Variants in BCL2A1 observed in about 807,000 individuals in gnomAD.
BCL2A1 encodes BCL2 related protein A1.
A neutral mutation model predicts 14.4 loss-of-function variants in BCL2A1; 10 were observed. The observed-to-expected ratio is 0.69, with a 90% CI of 0.43 to 1.18. The LOEUF is 1.18. Among genes scored for constraint, BCL2A1 ranks in the 50% most tolerant of loss-of-function variants. BCL2A1 has a pLI of 0.00. For missense variants in BCL2A1, 158 were observed against 205.0 expected (o/e 0.77, Z 1.40); for synonymous variants, 71 against 76.5 (o/e 0.93, Z 0.38).
intron 1 of BCL2A1, among the ~76,000 whole-genome samples, chr15:79,961,645 T>A (rs2562753): frequency 0.63 from 95,846 of 151,892 alleles, 32,624 homozygotes; most frequent in Non-Finnish European, 0.75. Flanking sequence ...GCACTTATAT[T>A]TGTAATATGA....
At chr15:79,961,759 T>C (rs1243348759) in intron 1 of BCL2A1, among the ~76,000 whole-genome samples, 1 of 152,218 alleles carries the variant, frequency 6.6e-6, no homozygotes, top group Non-Finnish European at 1.5e-5. Context: ...TGATAGTTTA[T>C]TTTATAATCT....
chr15:79,966,631 A>G (rs569108378), intron 1 of BCL2A1, among the ~76,000 whole-genome samples: 6 of 152,280 alleles, frequency 3.9e-5, no homozygotes, highest in Admixed American at 2.6e-4. Context: ...GTTTTTAAGA[A>G]CCATCCTTTC....
intron 1 of BCL2A1, among the ~76,000 whole-genome samples, chr15:79,968,061 A>G (rs1444688616): frequency 6.6e-6 from 1 of 152,186 alleles, no homozygotes; most frequent in Non-Finnish European, 1.5e-5. Context: ...ACCACCCTTG[A>G]AAGATGAGGG....
intron 1 of BCL2A1, among the ~76,000 whole-genome samples, chr15:79,962,140 C>A (rs2035495623): frequency 1.3e-5 from 2 of 152,202 alleles, no homozygotes; most frequent in Admixed American, 1.3e-4. Context: ...CTTGGGGTTA[C>A]AAATGCCTGC....
chr15:79,961,294 TG>T (rs1409128085), intron 1 of BCL2A1, 120 bp from the exon 2 acceptor site: 1 of 921,360 alleles, frequency 1.1e-6, no homozygotes, highest in Admixed American at 2.7e-5. Context: ...CTTCTACCCC[TG>T]TTAAGCAGCA....
At chr15:79,969,153 G>A (rs779513655) in intron 1 of BCL2A1, among the ~76,000 whole-genome samples, 4 of 151,976 alleles carry the variant, frequency 2.6e-5, no homozygotes, top group Admixed American at 2.0e-4. Flanking sequence ...ATTGAAACAA[G>A]ATAAACTCTA....
chr15:79,968,220 T>C (rs1469853930), intron 1 of BCL2A1, among the ~76,000 whole-genome samples: 2 of 152,210 alleles, frequency 1.3e-5, no homozygotes, highest in African/African-American at 4.8e-5. Flanking sequence ...GCGTTGGAAA[T>C]ACAATCCAAA....
chr15:79,962,148 T>G (rs1391576254), intron 1 of BCL2A1, among the ~76,000 whole-genome samples: 1 of 152,220 alleles, frequency 6.6e-6, no homozygotes, highest in East Asian at 1.9e-4. Flanking sequence ...TACAAATGCC[T>G]GCAAGTAGCT....
intron 1 of BCL2A1, among the ~76,000 whole-genome samples, chr15:79,962,211 A>G (rs2035496012): frequency 6.6e-6 from 1 of 152,188 alleles, no homozygotes; most frequent in Non-Finnish European, 1.5e-5. Flanking sequence ...ACTCTTTGAT[A>G]GTTGGGAGTG....
At position 79,970,970 on chromosome 15, in the gene BCL2A1, C is replaced by A. The variant is rs377180961; in HGVS notation, c.150G>T (p.Lys50Asn). The A allele has an allele frequency of 4.3e-6, 7 of 1,614,126 alleles. No individual in the cohort carries two copies. In the African/African-American group the frequency reaches 9.3e-5, roughly 22 times the overall value. ...VAFSVQKEVEKNLKSCLDNVN... is the reference protein window; with the variant it reads ...VAFSVQKEVENNLKSCLDNVN... ...CATTGTCCAAGCATGACTTCAGATT[C>A]TTTTCCACTTCTTTTTGGACTGAGA... Residue 50 changes from lysine (K) to asparagine (N), a missense_variant, in exon 1 of 2, where the codon AAG becomes AAT. Lys to Asn is a moderately conservative substitution (Grantham distance 94). Transcript: ENST00000267953.
At chr15:79,970,622 G>T in intron 1 of BCL2A1, 78 bp downstream of exon 1, 2 of 1,401,702 alleles carry the variant, frequency 1.4e-6, no homozygotes, top group Non-Finnish European at 1.9e-6. Flanking sequence ...GTGTTTTGTT[G>T]TTGTTTTAAC....
At chr15:79,968,285 C>G (rs1055359804) in intron 1 of BCL2A1, among the ~76,000 whole-genome samples, 3 of 152,310 alleles carry the variant, frequency 2.0e-5, no homozygotes, top group African/African-American at 7.2e-5. Context: ...CATCTGTGGT[C>G]CTCTGTGCCA....
At chr15:79,962,085 G>T (rs1271690032) in intron 1 of BCL2A1, among the ~76,000 whole-genome samples, 1 of 152,130 alleles carries the variant, frequency 6.6e-6, no homozygotes, top group East Asian at 1.9e-4. Context: ...TTTTCAAATG[G>T]TCATCTGGCA....
chr15:79,964,970 C>A (rs954636338), intron 1 of BCL2A1, among the ~76,000 whole-genome samples: 1 of 152,014 alleles, frequency 6.6e-6, no homozygotes, highest in Non-Finnish European at 1.5e-5. Context: ...GCTATGAGAG[C>A]ACGGAGGGAT....
At chr15:79,970,665 G>A (rs1439337068) in intron 1 of BCL2A1, 35 bp downstream of exon 1, 2 of 1,540,890 alleles carry the variant, frequency 1.3e-6, no homozygotes, top group Admixed American at 2.0e-5. Flanking sequence ...TATTTCACAG[G>A]AAAGAACAAT....
Position 79,970,964 on chromosome 15 carries a change from C to T in BCL2A1, c.156G>A (p.Leu52=), listed in dbSNP as rs372995571. 1 of 1,614,232 alleles carries T rather than the reference C, an allele frequency of 6.2e-7. No individual in the cohort carries two copies. The highest frequency in any genetic ancestry group is 8.5e-7 in the Non-Finnish European group (1 of 1,180,040). ...FSVQKEVEKN[L]KSCLDNVNVV... ...CATTAACATTGTCCAAGCATGACTT[C>T]AGATTCTTTTCCACTTCTTTTTGGA... Residue 52 remains leucine (L), a synonymous_variant, in exon 1 of 2, where the codon CTG becomes CTA. Coordinates refer to ENST00000267953, the MANE Select transcript of BCL2A1 (RefSeq NM_004049.4).
Position 79,970,840 on chromosome 15 carries a change from C to A in BCL2A1, c.280G>T (p.Ala94Ser), listed in dbSNP as rs1454292126. Residue 94 changes from alanine to serine, a missense_variant, in exon 1 of 2, where the codon GCA (alanine) becomes TCA (serine). Coordinates refer to ENST00000267953, the MANE Select transcript of BCL2A1 (RefSeq NM_004049.4). ...INWGRIVTIF[A>S]FEGILIKKLL... Reference sequence around the variant, plus strand: ...TTCTTGATGAGAATACCTTCAAATGCAAATATGGTTACAATTCTTCCCCAG... The same window carrying A: ...TTCTTGATGAGAATACCTTCAAATGAAAATATGGTTACAATTCTTCCCCAG... The A allele has an allele frequency of 6.2e-7, 1 of 1,614,112 alleles. No homozygotes were observed. Among genetic ancestry groups the A allele is most frequent in the Non-Finnish European group, 8.5e-7 (1 of 1,180,044 alleles).
At chr15:79,965,093 T>C (rs1364238065) in intron 1 of BCL2A1, among the ~76,000 whole-genome samples, 4 of 152,186 alleles carry the variant, frequency 2.6e-5, no homozygotes, top group South Asian at 4.1e-4. Flanking sequence ...TGGAGGGTTA[T>C]GATTAGGCCA....
At position 79,971,196 on chromosome 15, in the gene BCL2A1, T is replaced by G. The variant is rs1174939253; in HGVS notation, c.-77A>C. ...GAGGCAATGTGCTGAGAATGCTCAC[T>G]GAGCTTGACTGAGTTATGACACATG... On this transcript the variant is annotated 5_prime_UTR_variant, in exon 1 of 2. Coordinates refer to ENST00000267953, the MANE Select transcript of BCL2A1 (RefSeq NM_004049.4). The G allele has an allele frequency of 5.7e-6, 8 of 1,409,826 alleles. No individual in the cohort carries two copies. Among genetic ancestry groups the G allele is most frequent in the African/African-American group, 1.4e-5 (1 of 70,142 alleles). 87.3% of individuals were successfully genotyped at this position (1,409,826 alleles called of 1,614,324 possible).
Sources: allele counts gnomAD v4.1 joint callset (sites outside exome capture counted in the v4.1 genomes callset), GRCh38; gene constraint gnomAD v4.1.1; transcripts MANE v1.5; gene names NCBI Gene and HGNC (gene_info 2026-07-23, HGNC 2026-07-21).